MCTP1: variants seen among roughly 807,000 people sequenced by gnomAD.
The protein encoded by MCTP1 is multiple C2 and transmembrane domain-containing protein 1.
In MCTP1, 69 loss-of-function variants were observed where a neutral mutation model predicts 120.6. That is an observed-to-expected ratio of 0.57 (90% confidence interval 0.47 to 0.70). The LOEUF is 0.70. MCTP1 is among the 30% of genes least tolerant of loss of function. The pLI, the probability that MCTP1 is intolerant of heterozygous loss-of-function variation, is 0.00. For synonymous variants in MCTP1, 529 were observed against 493.1 expected, an observed-to-expected ratio of 1.07 and a Z score of -0.96; for missense variants, 1,203 against 1,248.8, an observed-to-expected ratio of 0.96 and a Z score of 0.55.
At chr5:94,738,101 A>C (rs1335994077) in intron 19 of MCTP1, among the ~76,000 whole-genome samples, 1 of 152,248 alleles carries the variant, frequency 6.6e-6, no homozygotes, top group East Asian at 1.9e-4. Context: ...GGTACATTAT[A>C]CTTAAAACAG....
chr5:95,272,391 A>T lies in MCTP1; in HGVS notation c.720+11465T>A, dbSNP rs367841443. Among the ~76,000 whole-genome samples the T allele has an allele frequency of 1.1e-3, 171 of 152,380 alleles. 1 individual carries two copies. The highest frequency in any genetic ancestry group is 4.0e-3 in the African/African-American group (166 of 41,588). On this transcript the variant is annotated intron_variant, in intron 1 of 22. Transcript: ENST00000515393. Reference sequence around the variant, plus strand: ...GCCAGAGGGCAGAGAAGGAAGAGCCAAGACCTAAATAATATACCACCTGGA... The same window carrying T: ...GCCAGAGGGCAGAGAAGGAAGAGCCTAGACCTAAATAATATACCACCTGGA...
chr5:94,753,665 C>T lies in MCTP1; in HGVS notation c.2610+25445G>A, dbSNP rs1161932325. Among the ~76,000 whole-genome samples, 4 of 152,134 alleles carry T rather than the reference C, an allele frequency of 2.6e-5. No individual in the cohort carries two copies. In the East Asian group the frequency reaches 7.7e-4, roughly 29 times the overall value. Reference sequence around the variant, plus strand: ...TTAATCTCAAAATATAGTGTTCATTCAATTATGCCTCTCTTAGCAAACAAA... The same window carrying T: ...TTAATCTCAAAATATAGTGTTCATTTAATTATGCCTCTCTTAGCAAACAAA... On this transcript the variant is annotated intron_variant, in intron 19 of 22. Transcript: ENST00000515393.
intron 18 of MCTP1, among the ~76,000 whole-genome samples, chr5:94,781,054 C>T (rs1487846103): frequency 6.6e-6 from 1 of 151,894 alleles, no homozygotes; most frequent in East Asian, 1.9e-4. Flanking sequence ...GAAGAATTCA[C>T]CTAACACTTG....
At chr5:95,081,545 C>G (rs1754935389) in intron 1 of MCTP1, 2 of 1,552,496 alleles carry the variant, frequency 1.3e-6, no homozygotes, top group African/African-American at 1.4e-5. Flanking sequence ...TTTAGACTTG[C>G]TTTCTTCACT....
At chr5:95,047,209 A>C (rs1214765282) in intron 1 of MCTP1, among the ~76,000 whole-genome samples, 1 of 152,168 alleles carries the variant, frequency 6.6e-6, no homozygotes, top group Non-Finnish European at 1.5e-5. Context: ...CATGTACTCT[A>C]GTCTCTACTT....
chr5:95,106,964 G>A (rs1292271983), intron 1 of MCTP1, among the ~76,000 whole-genome samples: 1 of 152,136 alleles, frequency 6.6e-6, no homozygotes, highest in Non-Finnish European at 1.5e-5. Flanking sequence ...TATTCAATGA[G>A]AATCAGAATC....
chr5:94,806,138 C>T (rs536875642), intron 17 of MCTP1, among the ~76,000 whole-genome samples: 74 of 151,928 alleles, frequency 4.9e-4, no homozygotes, highest in Non-Finnish European at 8.4e-4. Context: ...CCATCTTACA[C>T]GACTCTGAAT....
At chr5:95,226,563 G>A (rs1754296467) in intron 1 of MCTP1, among the ~76,000 whole-genome samples, 1 of 151,798 alleles carries the variant, frequency 6.6e-6, no homozygotes, top group Non-Finnish European at 1.5e-5. Context: ...TAAGCTCTCT[G>A]TCACAATTTA....
chr5:94,723,079 G>A (rs1429682023), intron 19 of MCTP1, among the ~76,000 whole-genome samples: 8 of 152,272 alleles, frequency 5.3e-5, no homozygotes, highest in African/African-American at 1.9e-4. Flanking sequence ...AAAAAAACAT[G>A]TTTCAACCTG....
At chr5:94,800,556 C>T (rs965362105) in intron 17 of MCTP1, among the ~76,000 whole-genome samples, 1 of 152,088 alleles carries the variant, frequency 6.6e-6, no homozygotes, top group Non-Finnish European at 1.5e-5. Flanking sequence ...GCCTCAGGGC[C>T]AGGAGACCAA....
At chr5:95,047,780 C>T (rs777809503) in intron 1 of MCTP1, among the ~76,000 whole-genome samples, 9 of 151,952 alleles carry the variant, frequency 5.9e-5, no homozygotes, top group Non-Finnish European at 8.8e-5. Context: ...TTTCTCCCAC[C>T]CTCTACCTCT....
chr5:94,740,162 A>G lies in MCTP1; in HGVS notation c.2611-25276T>C, dbSNP rs138915553. ...AAAATAACTTTCTCTACACATATCCATTTATCTTTAGACAAAGTCATTGAA... is the reference window on the plus strand; with the variant it reads ...AAAATAACTTTCTCTACACATATCCGTTTATCTTTAGACAAAGTCATTGAA... On this transcript the variant is annotated intron_variant, in intron 19 of 22. Coordinates refer to ENST00000515393, the MANE Select transcript of MCTP1 (RefSeq NM_024717.7). Among the ~76,000 whole-genome samples, 921 of 152,284 alleles carry G rather than the reference A, an allele frequency of 6.0e-3. 5 individuals are homozygous for G. The highest frequency in any genetic ancestry group is 0.011 in the Non-Finnish European group (723 of 68,012).
At chr5:94,821,363 C>T (rs1785604441) in intron 17 of MCTP1, among the ~76,000 whole-genome samples, 5 of 152,128 alleles carry the variant, frequency 3.3e-5, no homozygotes, top group Admixed American at 3.3e-4. Context: ...AATCATGTAT[C>T]TGATAGGGTT....
intron 2 of MCTP1, among the ~76,000 whole-genome samples, chr5:94,987,132 G>A (rs530524544): frequency 6.6e-6 from 1 of 151,904 alleles, no homozygotes; most frequent in Admixed American, 6.6e-5. Flanking sequence ...TTGAATCCTC[G>A]GCTATAGAAT....
chr5:94,931,989 T>G lies in MCTP1; in HGVS notation c.1176A>C (p.Thr392=), dbSNP rs113781238. 5.6e-6 allele frequency: 9 copies of G among 1,593,384 alleles called. No individual in the cohort carries two copies. The African/African-American group carries it at 1.1e-4, about 19-fold the overall frequency. ...TPKEGESRDV[T]MLMRKSWKRS... ...TTTTCCAACTCTTCCTCATTAGCAT[T>G]GTCTGTAAATAAAATAAAGCATTTT... Residue 392 remains threonine (T), a splice_region_variant and synonymous_variant, in exon 6 of 23, where the codon ACA becomes ACC. Coordinates refer to ENST00000515393, the MANE Select transcript of MCTP1 (RefSeq NM_024717.7).
chr5:94,921,315 C>T (rs570045962), intron 7 of MCTP1, among the ~76,000 whole-genome samples: 1 of 152,190 alleles, frequency 6.6e-6, no homozygotes, highest in Admixed American at 6.5e-5. Context: ...TTAGACTATC[C>T]CTGTACACAG....
intron 1 of MCTP1, among the ~76,000 whole-genome samples, chr5:95,075,582 G>GA (rs967087322): frequency 6.6e-6 from 1 of 151,856 alleles, no homozygotes; most frequent in Non-Finnish European, 1.5e-5. Flanking sequence ...CTTAATTTCT[G>GA]AAAAAAAATT....
chr5:95,053,959 G>A (rs576348501), intron 1 of MCTP1, among the ~76,000 whole-genome samples: 33 of 152,310 alleles, frequency 2.2e-4, no homozygotes, highest in African/African-American at 6.7e-4. Context: ...CAAACTTGCC[G>A]TATCATAAGA....
At chr5:95,058,039 G>T (rs543615588) in intron 1 of MCTP1, among the ~76,000 whole-genome samples, 1 of 152,214 alleles carries the variant, frequency 6.6e-6, no homozygotes. Context: ...ACCTAACCAG[G>T]CTTCTCAAGA....
Sources: allele counts gnomAD v4.1 joint callset (sites outside exome capture counted in the v4.1 genomes callset), GRCh38; gene constraint gnomAD v4.1.1; transcripts MANE v1.5; gene names NCBI Gene and HGNC (gene_info 2026-07-23, HGNC 2026-07-21).